The following HCN1 variants were observed in gnomAD, a reference collection of about 807,000 sequenced individuals.
HCN1 encodes the protein hyperpolarization activated cyclic nucleotide gated potassium channel 1, also known as potassium/sodium hyperpolarization-activated cyclic nucleotide-gated channel 1.
HCN1 carries 13 observed loss-of-function variants against 78.9 expected under a neutral mutation model. The observed-to-expected ratio is 0.16, with a 90% CI of 0.11 to 0.26. The LOEUF is 0.26. Ranked by LOEUF, HCN1 falls within the 10% of genes least tolerant of loss-of-function variation. The pLI is 1.00. For missense variants in HCN1, 810 were observed against 1,154.3 expected (o/e 0.70, Z 4.32); for synonymous variants, 552 against 455.5 (o/e 1.21, Z -2.70).
At chr5:45,654,577 T>G (rs1375499670) in intron 1 of HCN1, among the ~76,000 whole-genome samples, 1 of 152,162 alleles carries the variant, frequency 6.6e-6, no homozygotes, top group Non-Finnish European at 1.5e-5. Context: ...AGTATACAAT[T>G]CAGTAAACTG....
chr5:45,446,187 G>C (rs1253138886), intron 3 of HCN1, among the ~76,000 whole-genome samples: 2 of 152,214 alleles, frequency 1.3e-5, no homozygotes, highest in Admixed American at 1.3e-4. Flanking sequence ...ACAGAGAAGT[G>C]CTTAAAGGAG....
chr5:45,367,519 A>G (rs1358965710), intron 4 of HCN1, among the ~76,000 whole-genome samples: 1 of 151,880 alleles, frequency 6.6e-6, no homozygotes, highest in Non-Finnish European at 1.5e-5. Context: ...CATAACCATG[A>G]TGCATGATGT....
chr5:45,530,263 A>G (rs1013753195), intron 2 of HCN1, among the ~76,000 whole-genome samples: 1 of 152,046 alleles, frequency 6.6e-6, no homozygotes, highest in Non-Finnish European at 1.5e-5. Context: ...TATAAATCAT[A>G]CAGCACTGAA....
chr5:45,301,552 T>C (rs1745621603), intron 6 of HCN1, among the ~76,000 whole-genome samples: 1 of 151,014 alleles, frequency 6.6e-6, no homozygotes, highest in Non-Finnish European at 1.5e-5. Flanking sequence ...ATCCCGTCTC[T>C]ACAAAAAATT....
intron 2 of HCN1, among the ~76,000 whole-genome samples, chr5:45,632,341 C>A (rs1235503793): frequency 6.6e-6 from 1 of 151,520 alleles, no homozygotes; most frequent in Non-Finnish European, 1.5e-5. Flanking sequence ...TATTTTCTCC[C>A]AGTTATAAGA....
intron 2 of HCN1, among the ~76,000 whole-genome samples, chr5:45,584,067 C>T (rs1391941121): frequency 6.6e-6 from 1 of 152,118 alleles, no homozygotes; most frequent in East Asian, 1.9e-4. Context: ...GAGCTGAGTT[C>T]AATTCCTGGA....
intron 5 of HCN1, among the ~76,000 whole-genome samples, chr5:45,322,542 T>A (rs918929789): frequency 3.3e-5 from 5 of 151,888 alleles, no homozygotes; most frequent in African/African-American, 9.7e-5. Flanking sequence ...ATGAGAAATC[T>A]TGGGGATGGG....
At chr5:45,422,949 G>A (rs958270600) in intron 3 of HCN1, among the ~76,000 whole-genome samples, 1 of 151,970 alleles carries the variant, frequency 6.6e-6, no homozygotes, top group Non-Finnish European at 1.5e-5. Flanking sequence ...TAGATAGAAC[G>A]AATAAGATCT....
At chr5:45,422,296 C>T (rs1740245747) in intron 3 of HCN1, among the ~76,000 whole-genome samples, 1 of 152,150 alleles carries the variant, frequency 6.6e-6, no homozygotes, top group African/African-American at 2.4e-5. Context: ...GTGGGTCTTC[C>T]TTTCCAAAGG....
intron 2 of HCN1, chr5:45,643,136 T>G (rs950314659): frequency 6.6e-6 from 1 of 152,104 alleles, no homozygotes; most frequent in African/African-American, 2.4e-5. Flanking sequence ...ATGGCATCTT[T>G]AAAACACATC....
intron 3 of HCN1, among the ~76,000 whole-genome samples, chr5:45,401,373 C>A (rs917999815): frequency 6.6e-6 from 1 of 152,068 alleles, no homozygotes; most frequent in Non-Finnish European, 1.5e-5. Context: ...TTTGCAATGC[C>A]TCCTTGAAGA....
intron 2 of HCN1, chr5:45,575,380 A>G (rs1652361711): frequency 6.6e-6 from 1 of 152,030 alleles, no homozygotes. Context: ...GAACTGAACA[A>G]TGAAACACAT....
chr5:45,261,087 G>A lies in HCN1; in HGVS notation c.*834C>T, dbSNP rs1744728899. On this transcript the variant is annotated 3_prime_UTR_variant, in exon 8 of 8. Coordinates refer to ENST00000303230, the MANE Select transcript of HCN1 (RefSeq NM_021072.4). ...TACAATTGAATAATTCTCACAATCA[G>A]GTTTTGTAAAATTTAAAACTCTAAG... 1 of 152,498 alleles carries A rather than the reference G, an allele frequency of 6.6e-6. No individual in the cohort carries two copies. Among genetic ancestry groups the A allele is most frequent in the Non-Finnish European group, 1.5e-5 (1 of 68,010 alleles). 9.4% of individuals were successfully genotyped at this position (152,498 alleles called of 1,614,324 possible).
intron 1 of HCN1, among the ~76,000 whole-genome samples, chr5:45,657,263 C>A (rs1745789641): frequency 6.6e-6 from 1 of 152,164 alleles, no homozygotes. Flanking sequence ...CAATGAATAT[C>A]CACTCCAATT....
At chr5:45,516,697 T>TTTATA (rs893516258) in intron 2 of HCN1, among the ~76,000 whole-genome samples, 3 of 151,944 alleles carry the variant, frequency 2.0e-5, no homozygotes, top group African/African-American at 4.8e-5. Flanking sequence ...AAAAATTTGA[T>TTTATA]TAATAAGCCA....
chr5:45,552,664 GAA>G (rs772336360), intron 2 of HCN1, among the ~76,000 whole-genome samples: 13 of 151,840 alleles, frequency 8.6e-5, no homozygotes, highest in Non-Finnish European at 1.9e-4. Flanking sequence ...AGCATAATTG[GAA>G]AAGTCTAGAA....
intron 6 of HCN1, among the ~76,000 whole-genome samples, chr5:45,302,770 C>T (rs1268065741): frequency 2.6e-5 from 4 of 151,836 alleles, no homozygotes; most frequent in Non-Finnish European, 4.4e-5. Flanking sequence ...ATCATGGGGG[C>T]TGGTCTTTCC....
At chr5:45,368,783 AT>A (rs879426211) in intron 4 of HCN1, among the ~76,000 whole-genome samples, 150 of 152,024 alleles carry the variant, frequency 9.9e-4, no homozygotes, top group Non-Finnish European at 1.4e-3. Flanking sequence ...GTTTTGCCAT[AT>A]TTTTTTCTCT....
intron 5 of HCN1, among the ~76,000 whole-genome samples, chr5:45,321,039 T>C (rs1746116608): frequency 6.6e-6 from 1 of 151,806 alleles, no homozygotes; most frequent in Admixed American, 6.6e-5. Context: ...ATTCATGTCT[T>C]ACATCACAGG....
Sources: allele counts gnomAD v4.1 joint callset (sites outside exome capture counted in the v4.1 genomes callset), GRCh38; gene constraint gnomAD v4.1.1; transcripts MANE v1.5; gene names NCBI Gene and HGNC (gene_info 2026-07-23, HGNC 2026-07-21).